SSBP2: variants seen among roughly 807,000 people sequenced by gnomAD.
SSBP2 encodes single-stranded DNA-binding protein 2.
A neutral mutation model predicts 61.8 loss-of-function variants in SSBP2; 17 were observed. The ratio of observed to expected loss-of-function variants is 0.28; its 90% CI spans 0.19 to 0.41. SSBP2 has a LOEUF of 0.41. Ranked by LOEUF, SSBP2 falls within the 10% of genes least tolerant of loss-of-function variation. The pLI, the probability that SSBP2 is intolerant of heterozygous loss-of-function variation, is 1.00. For missense variants in SSBP2, 310 were observed against 458.7 expected, an observed-to-expected ratio of 0.68 and a Z score of 2.96; for synonymous variants, 139 against 141.3, an observed-to-expected ratio of 0.98 and a Z score of 0.12.
chr5:81,732,973 GAATA>G (rs1394329742), intron 1 of SSBP2, among the ~76,000 whole-genome samples: 1 of 152,124 alleles, frequency 6.6e-6, no homozygotes, highest in East Asian at 1.9e-4. Flanking sequence ...TTAAAAAGTT[GAATA>G]AATGTTTCTC....
intron 1 of SSBP2, among the ~76,000 whole-genome samples, chr5:81,660,328 G>A (rs970563129): frequency 1.3e-5 from 2 of 151,858 alleles, no homozygotes; most frequent in Non-Finnish European, 1.5e-5. Context: ...AGAAAAAAAC[G>A]AACAACCCCA....
At chr5:81,540,931 GAAA>G (rs71000842) in intron 4 of SSBP2, among the ~76,000 whole-genome samples, 1 of 139,956 alleles carries the variant, frequency 7.1e-6, no homozygotes, top group Non-Finnish European at 1.5e-5. Context: ...CAGAAAGTTA[GAAA>G]AAAAAAAAAG....
intron 8 of SSBP2, among the ~76,000 whole-genome samples, chr5:81,468,187 C>T (rs976675073): frequency 6.6e-6 from 1 of 152,104 alleles, no homozygotes; most frequent in Non-Finnish European, 1.5e-5. Context: ...TAAGAATTTC[C>T]AGGAGCTCTT....
At chr5:81,462,132 A>G (rs1764585335) in intron 9 of SSBP2, among the ~76,000 whole-genome samples, 1 of 152,210 alleles carries the variant, frequency 6.6e-6, no homozygotes, top group African/African-American at 2.4e-5. Context: ...TGGGCTACAC[A>G]TAAAATACAC....
At chr5:81,547,511 G>A (rs2154125219) in intron 4 of SSBP2, among the ~76,000 whole-genome samples, 1 of 152,288 alleles carries the variant, frequency 6.6e-6, no homozygotes. Context: ...CTGTTGCCCA[G>A]GCTGGAGTGC....
At chr5:81,457,744 C>G (rs928811532) in intron 10 of SSBP2, among the ~76,000 whole-genome samples, 7 of 151,990 alleles carry the variant, frequency 4.6e-5, no homozygotes, top group African/African-American at 7.3e-5. Context: ...TCACTGCAAC[C>G]TCCACCTCCT....
intron 1 of SSBP2, among the ~76,000 whole-genome samples, chr5:81,663,256 C>G (rs1021569382): frequency 6.6e-6 from 1 of 152,184 alleles, no homozygotes; most frequent in East Asian, 1.9e-4. Context: ...TATTAGCTCA[C>G]AGCTAATTCC....
intron 1 of SSBP2, among the ~76,000 whole-genome samples, chr5:81,712,728 G>GTT (rs34642922): frequency 0.015 from 2,133 of 142,058 alleles, 45 homozygotes; most frequent in African/African-American, 0.045. Flanking sequence ...TTGTTTCTTT[G>GTT]TTTTTTTTTT....
intron 1 of SSBP2, among the ~76,000 whole-genome samples, chr5:81,747,433 T>G (rs865964214): frequency 2.0e-5 from 3 of 152,098 alleles, no homozygotes; most frequent in African/African-American, 7.2e-5. Context: ...TCTTGTAGAT[T>G]TGTTGGGAGA....
intron 1 of SSBP2, among the ~76,000 whole-genome samples, chr5:81,710,079 G>GA (rs1218294957): frequency 2.0e-5 from 3 of 151,688 alleles, no homozygotes; most frequent in South Asian, 2.1e-4. Context: ...AATTAGAAGA[G>GA]AAAAAAAACC....
chr5:81,493,757 A>T (rs1001748664), intron 5 of SSBP2, among the ~76,000 whole-genome samples: 1 of 150,698 alleles, frequency 6.6e-6, no homozygotes, highest in Admixed American at 6.6e-5. Flanking sequence ...CTCCATCTCA[A>T]AAAAAAAAAT....
intron 1 of SSBP2, among the ~76,000 whole-genome samples, chr5:81,661,810 G>A (rs1368040203): frequency 1.3e-5 from 2 of 151,950 alleles, no homozygotes; most frequent in African/African-American, 4.8e-5. Flanking sequence ...CTTCACTCTG[G>A]GATTATTTCT....
intron 4 of SSBP2, among the ~76,000 whole-genome samples, chr5:81,607,495 A>C (rs1744996460): frequency 6.6e-6 from 1 of 152,134 alleles, no homozygotes; most frequent in Non-Finnish European, 1.5e-5. Flanking sequence ...TACCTCCCTA[A>C]GGTATGAGAA....
chr5:81,461,371 G>A (rs567491020), intron 9 of SSBP2, among the ~76,000 whole-genome samples: 2 of 152,122 alleles, frequency 1.3e-5, no homozygotes, highest in East Asian at 3.9e-4. Flanking sequence ...GATGGTAACT[G>A]CTCATAGGAG....
At chr5:81,592,993 ATGACTT>A (rs1246918572) in intron 4 of SSBP2, among the ~76,000 whole-genome samples, 1 of 152,220 alleles carries the variant, frequency 6.6e-6, no homozygotes, top group Non-Finnish European at 1.5e-5. Flanking sequence ...TGGACGGAGA[ATGACTT>A]TGACGAGTTG....
chr5:81,478,633 G>A (rs553442579), intron 6 of SSBP2, among the ~76,000 whole-genome samples: 8 of 152,136 alleles, frequency 5.3e-5, no homozygotes, highest in Middle Eastern at 3.4e-3. Flanking sequence ...CACCACACCC[G>A]GCCTATTTTT....
intron 2 of SSBP2, among the ~76,000 whole-genome samples, chr5:81,639,193 C>A (rs1748545917): frequency 1.3e-5 from 2 of 152,072 alleles, no homozygotes; most frequent in Admixed American, 1.3e-4. Context: ...AGGGTGTGGG[C>A]AGAAGAAGAC....
intron 1 of SSBP2, among the ~76,000 whole-genome samples, chr5:81,657,771 A>C (rs1253344313): frequency 6.6e-6 from 1 of 152,166 alleles, no homozygotes; most frequent in African/African-American, 2.4e-5. Context: ...AAAAATATTA[A>C]ATCTCTGGTT....
At chr5:81,549,825 G>C (rs1391740347) in intron 4 of SSBP2, among the ~76,000 whole-genome samples, 1 of 152,130 alleles carries the variant, frequency 6.6e-6, no homozygotes, top group African/African-American at 2.4e-5. Flanking sequence ...ACCCTCTAAG[G>C]TGATAATTAC....
Sources: gnomAD v4.1 joint callset for allele counts (sites outside exome capture counted in the v4.1 genomes callset) on GRCh38, gnomAD v4.1.1 for gene constraint, MANE v1.5 for transcripts, NCBI Gene and HGNC (gene_info 2026-07-23, HGNC 2026-07-21) for gene names.